GP6: variants seen among roughly 807,000 people sequenced by gnomAD.
GP6 encodes the protein platelet glycoprotein VI.
A neutral mutation model predicts 37.3 loss-of-function variants in GP6; 45 were observed. That is an observed-to-expected ratio of 1.21 (90% CI 0.95 to 1.55). The LOEUF (loss-of-function observed/expected upper bound fraction) is 1.55. Among genes scored for constraint, GP6 ranks in the 40% most tolerant of loss-of-function variants. The pLI, the probability that GP6 is intolerant of heterozygous loss-of-function variation, is 0.00. For synonymous variants in GP6, 340 were observed against 316.4 expected (o/e 1.07, Z -0.79); for missense variants, 813 against 760.2 (o/e 1.07, Z -0.82).
In GP6 at chr19:55,015,458, G is replaced by C. The variant is rs45512392; in HGVS notation, c.779+221C>G. 0.066 allele frequency among the ~76,000 whole-genome samples: 10,065 copies of C among 152,242 alleles called. 380 individuals carry two copies. Among genetic ancestry groups the C allele is most frequent in the South Asian group, 0.1 (488 of 4,820 alleles). ...GCAAAAGAGAGGACAGTTATAAGGGGTGGGGAAGAGATGGAATCTCTCTTT... is the reference window on the plus strand; with the variant it reads ...GCAAAAGAGAGGACAGTTATAAGGGCTGGGGAAGAGATGGAATCTCTCTTT... On this transcript the variant is annotated intron_variant, in intron 7 of 7. Coordinates refer to ENST00000310373, the MANE Select transcript of GP6 (RefSeq NM_001083899.2).
At position 55,027,803 on chromosome 19, in the gene GP6, C is replaced by A. The variant is rs536418941; in HGVS notation, c.385G>T (p.Asp129Tyr). 6.2e-7 allele frequency: 1 copy of A among 1,614,112 alleles called. No homozygotes were observed. Among genetic ancestry groups the A allele is most frequent in the South Asian group, 1.1e-5 (1 of 91,086 alleles). Residue 129 changes from aspartate (D) to tyrosine (Y), a missense_variant, in exon 4 of 8, where the codon GAC becomes TAC. By Grantham distance (160) the Asp-to-Tyr change is radical (BLOSUM62 -3). Coordinates refer to ENST00000310373, the MANE Select transcript of GP6 (RefSeq NM_001083899.2). ...CGAGTCTGACACTGTAGGGTTACGT[C>A]CCCTCCTGACGACACCGCCGGGCCG... is the stretch of plus-strand genomic sequence containing the variant.
At chr19:55,028,283 C>T (rs369062997) in intron 3 of GP6, among the ~76,000 whole-genome samples, 1 of 152,186 alleles carries the variant, frequency 6.6e-6, no homozygotes, top group Non-Finnish European at 1.5e-5. Context: ...ACAATTGTTA[C>T]GTTGTAAATG....
At chr19:55,026,369 A>T (rs1252948535) in intron 4 of GP6, among the ~76,000 whole-genome samples, 1 of 152,016 alleles carries the variant, frequency 6.6e-6, no homozygotes, top group Non-Finnish European at 1.5e-5. Context: ...CTTAACAACC[A>T]CCATTGTACT....
At chr19:55,037,032 A>T (rs2074856831) in intron 1 of GP6, among the ~76,000 whole-genome samples, 1 of 152,126 alleles carries the variant, frequency 6.6e-6, no homozygotes, top group South Asian at 2.1e-4. Context: ...AAACAAAAAG[A>T]AAAAAAGAAT....
intron 4 of GP6, 54 bp from the exon 5 acceptor site, chr19:55,025,325 C>G (rs2074261851): frequency 8.9e-7 from 1 of 1,124,194 alleles, no homozygotes; most frequent in African/African-American, 1.5e-5. Flanking sequence ...GGGTCCTGAA[C>G]AAATAACGAA....
chr19:55,025,193 C>A lies in GP6; in HGVS notation c.664+25G>T, dbSNP rs200474404. On this transcript the variant is annotated intron_variant, in intron 5 of 7. Transcript: ENST00000310373. ...GTCCGTGTACCTCATACGCTGTGCA[C>A]CAGAATGGACCCTGCAGAACCTACC... The A allele has an allele frequency of 1.8e-5, 26 of 1,409,314 alleles. No individual in the cohort carries two copies. The East Asian group carries it at 6.2e-4, about 34-fold the overall frequency. 87.3% of individuals were successfully genotyped at this position (1,409,314 alleles called of 1,614,324 possible).
Position 55,014,600 on chromosome 19 carries a change from A to T in GP6, c.1345T>A (p.Trp449Arg). ...AACCTTAGAGATCCGTCTGGAGCCC[A>T]TATTAGAGAGGTTGAAGAAAGAGGC... Residue 449 changes from tryptophan (W) to arginine (R), a missense_variant, in exon 8 of 8, where the codon TGG becomes AGG. By Grantham distance (101) the Trp-to-Arg change is moderately radical. Transcript: ENST00000310373. 1 of 1,614,036 alleles carries T rather than the reference A, an allele frequency of 6.2e-7. No homozygotes were observed. Among genetic ancestry groups the T allele is most frequent in the Non-Finnish European group, 8.5e-7 (1 of 1,179,936 alleles).
At chr19:55,032,820 T>C (rs963475646) in intron 1 of GP6, 6 of 596,612 alleles carry the variant, frequency 1.0e-5, no homozygotes, top group African/African-American at 9.3e-5. Context: ...GGGCAAGGCA[T>C]GGTGGCGTAC....
chr19:55,035,229 G>A (rs2074784624), intron 1 of GP6, among the ~76,000 whole-genome samples: 1 of 122,808 alleles, frequency 8.1e-6, no homozygotes, highest in Admixed American at 7.8e-5. Flanking sequence ...AAAGAGTGTG[G>A]ACTTGGGAAC....
intron 5 of GP6, 105 bp downstream of exon 5, chr19:55,025,113 A>G (rs2146794810): frequency 4.0e-6 from 3 of 747,784 alleles, no homozygotes; most frequent in East Asian, 2.7e-5. Context: ...CAAATCTGTG[A>G]AAGAACCAAC....
rs1412265830 is a variant in GP6, at chr19:55,024,369, C to CAT, written c.664+848_664+849insAT. Among the ~76,000 whole-genome samples the CAT allele has an allele frequency of 4.6e-5, 7 of 152,064 alleles. 1 individual carries two copies. Among genetic ancestry groups the CAT allele is most frequent in the African/African-American group, 1.7e-4 (7 of 41,364 alleles). On this transcript the variant is annotated intron_variant, in intron 5 of 7. Transcript: ENST00000310373. ...ACATGCACGCACACACACATATGCA[C>CAT]GCACACAGTATGTGACCATCTTCCA...
intron 5 of GP6, among the ~76,000 whole-genome samples, chr19:55,019,944 C>T (rs1340970008): frequency 6.6e-6 from 1 of 152,158 alleles, no homozygotes; most frequent in Non-Finnish European, 1.5e-5. Context: ...TCCCAAAGTG[C>T]TGGGAATACA....
rs114114857 is a variant in GP6, at chr19:55,017,027, C to T, written c.725-1294G>A. ...TCACAGAGTGAGCAGAGTGAGACTCCGTCTCAAAAACAACAACAAAAAACA... is the reference window on the plus strand; with the variant it reads ...TCACAGAGTGAGCAGAGTGAGACTCTGTCTCAAAAACAACAACAAAAAACA... On this transcript the variant is annotated intron_variant, in intron 6 of 7. Coordinates refer to ENST00000310373, the MANE Select transcript of GP6 (RefSeq NM_001083899.2). Among the ~76,000 whole-genome samples, 1,146 of 151,846 alleles carry T rather than the reference C, an allele frequency of 7.5e-3. 12 individuals carry two copies. Among genetic ancestry groups the T allele is most frequent in the African/African-American group, 0.027 (1,102 of 41,416 alleles).
Position 55,032,052 on chromosome 19 carries a change from A to C in GP6, c.325+87T>G. 1.8e-5 allele frequency: 25 copies of C among 1,356,734 alleles called. 1 individual carries two copies. In the South Asian group the frequency reaches 3.0e-4, roughly 16 times the overall value. 84.0% of individuals were successfully genotyped at this position (1,356,734 alleles called of 1,614,324 possible). A position where few individuals can be genotyped will look rare whatever the true frequency, so the allele number is the denominator to read the frequency against. ...GCTAGGCCAGTGCCTCGTTTGCCTCACCCTAATCCCTGCCCTCAATGTCCC... is the reference window on the plus strand; with the variant it reads ...GCTAGGCCAGTGCCTCGTTTGCCTCCCCCTAATCCCTGCCCTCAATGTCCC... On this transcript the variant is annotated intron_variant, in intron 3 of 7. Coordinates refer to ENST00000310373, the MANE Select transcript of GP6 (RefSeq NM_001083899.2).
In GP6 at chr19:55,027,859, A is replaced by C. The variant is rs1202734720; in HGVS notation, c.329T>G (p.Val110Gly). 6.2e-7 allele frequency: 1 copy of C among 1,613,922 alleles called. No individual in the cohort carries two copies. Among genetic ancestry groups the C allele is most frequent in the South Asian group, 1.1e-5 (1 of 91,070 alleles). The change falls in exon 4 of 8, where the codon GTT becomes GGT. Residue 110 changes from valine (V) to glycine (G), a missense_variant. By Grantham distance (109) the Val-to-Gly change is moderately radical. Coordinates refer to ENST00000310373, the MANE Select transcript of GP6 (RefSeq NM_001083899.2). ...GGCTGAGAGCGAGGGTTTGGCAAAA[A>C]CTCCTGGGAGAAAAAGAAAGTCTGA...
chr19:55,033,201 C>T (rs1363433757), intron 1 of GP6, among the ~76,000 whole-genome samples: 1 of 51,380 alleles, frequency 1.9e-5, no homozygotes, highest in Non-Finnish European at 3.9e-5. Context: ...TGGACTCCTT[C>T]GTGTTGTGTT....
chr19:55,032,560 C>G, intron 1 of GP6, 22 bp from the exon 2 acceptor site: 1 of 1,613,330 alleles, frequency 6.2e-7, no homozygotes, highest in Non-Finnish European at 8.5e-7. Flanking sequence ...AGAAAGGGAC[C>G]AGATGCCAGG....
At position 55,014,588 on chromosome 19, in the gene GP6, C is replaced by A; in HGVS notation, c.1357G>T (p.Gly453Ter). Reference sequence around the variant, plus strand: ...CTGAGAGCTGGGAACCTTAGAGATCCGTCTGGAGCCCATATTAGAGAGGTT... The same window carrying A: ...CTGAGAGCTGGGAACCTTAGAGATCAGTCTGGAGCCCATATTAGAGAGGTT... Residue 453 changes from glycine to a stop codon, truncating the protein, a stop_gained, in exon 8 of 8, where the codon GGA (glycine) becomes TGA (stop). Transcript: ENST00000310373. LOFTEE classifies it low-confidence loss of function (END_TRUNC). The A allele has an allele frequency of 6.2e-7, 1 of 1,613,428 alleles. No individual in the cohort carries two copies. The highest frequency in any genetic ancestry group is 8.5e-7 in the Non-Finnish European group (1 of 1,179,516).
intron 1 of GP6, among the ~76,000 whole-genome samples, chr19:55,037,705 C>T (rs1340863792): frequency 1.9e-5 from 2 of 104,196 alleles, no homozygotes; most frequent in Non-Finnish European, 4.2e-5. Flanking sequence ...GACCTCAGCT[C>T]ACTGCAACTT....
Sources: gnomAD v4.1 joint callset for allele counts (sites outside exome capture counted in the v4.1 genomes callset) on GRCh38, gnomAD v4.1.1 for gene constraint, MANE v1.5 for transcripts, NCBI Gene and HGNC (gene_info 2026-07-23, HGNC 2026-07-21) for gene names.